SDC4: variants seen among roughly 807,000 people sequenced by gnomAD.
SDC4 encodes syndecan 4.
A neutral mutation model predicts 20.5 loss-of-function variants in SDC4; 17 were observed. That is an observed-to-expected ratio of 0.83 (90% CI 0.57 to 1.25). The LOEUF is 1.25. Among genes scored for constraint, SDC4 ranks in the 50% most tolerant of loss-of-function variants. SDC4 has a pLI of 0.00. For missense variants in SDC4, 241 were observed against 252.3 expected (o/e 0.96, Z 0.30); for synonymous variants, 107 against 105.3 (o/e 1.02, Z -0.10).
intron 2 of SDC4, among the ~76,000 whole-genome samples, chr20:45,333,753 C>T (rs1370874698): frequency 6.6e-6 from 1 of 152,180 alleles, no homozygotes; most frequent in Non-Finnish European, 1.5e-5. Flanking sequence ...ATATCATTAA[C>T]ATCTTTCCAT....
chr20:45,327,318 G>A lies in SDC4; in HGVS notation c.543C>T (p.Asp181=). The A allele has an allele frequency of 6.2e-7, 1 of 1,614,174 alleles. No homozygotes were observed. The highest frequency in any genetic ancestry group is 8.5e-7 in the Non-Finnish European group (1 of 1,180,040). The part of the protein sequence containing the change: ...RMKKKDEGSY[D]LGKKPIYKKA... ...TCTTGTAGATGGGTTTCTTGCCCAG[G>A]TCATAGCTGCCTTCATCCTTCTTCT... Residue 181 remains aspartate, a synonymous_variant, in exon 5 of 5, where the codon GAC becomes GAT. Coordinates refer to ENST00000372733, the MANE Select transcript of SDC4 (RefSeq NM_002999.4).
chr20:45,334,782 C>T (rs1274960583), intron 2 of SDC4, among the ~76,000 whole-genome samples: 3 of 152,122 alleles, frequency 2.0e-5, no homozygotes, highest in East Asian at 1.9e-4. Flanking sequence ...CCACCGTGCC[C>T]GGCCATAAAA....
At chr20:45,334,243 T>C (rs1369177324) in intron 2 of SDC4, among the ~76,000 whole-genome samples, 1 of 152,078 alleles carries the variant, frequency 6.6e-6, no homozygotes, top group East Asian at 1.9e-4. Context: ...GTGATCCGCC[T>C]GCCTTGGCCT....
chr20:45,340,851 G>A (rs1365527868), intron 1 of SDC4, among the ~76,000 whole-genome samples: 2 of 152,160 alleles, frequency 1.3e-5, no homozygotes, highest in Non-Finnish European at 2.9e-5. Flanking sequence ...CCCCAGCAGC[G>A]TACACTACTC....
chr20:45,329,007 T>C (rs1028708740), intron 4 of SDC4, among the ~76,000 whole-genome samples: 7 of 152,288 alleles, frequency 4.6e-5, no homozygotes, highest in Admixed American at 4.6e-4. Context: ...TGGTCCTCAG[T>C]CCAAATGCCA....
chr20:45,339,832 AG>A (rs1332471839), intron 1 of SDC4, among the ~76,000 whole-genome samples: 1 of 152,230 alleles, frequency 6.6e-6, no homozygotes, highest in Non-Finnish European at 1.5e-5. Context: ...CTGGGGGTTT[AG>A]AGATACTACA....
rs1012568919 is a variant in SDC4, at chr20:45,326,028, C to T, written c.*1236G>A. On this transcript the variant is annotated 3_prime_UTR_variant, in exon 5 of 5. Coordinates refer to ENST00000372733, the MANE Select transcript of SDC4 (RefSeq NM_002999.4). ...GGCAAGAGAAAAAGGCAAAAACCCACCCAGCCACATGAAAATTCACTCACT... is the reference window on the plus strand; with the variant it reads ...GGCAAGAGAAAAAGGCAAAAACCCATCCAGCCACATGAAAATTCACTCACT... 3 of 151,434 alleles carry T rather than the reference C, an allele frequency of 2.0e-5. No homozygotes were observed. Among genetic ancestry groups the T allele is most frequent in the African/African-American group, 7.3e-5 (3 of 41,116 alleles). 9.4% of individuals were successfully genotyped at this position (151,434 alleles called of 1,614,324 possible). A position where few individuals can be genotyped will look rare whatever the true frequency, so the allele number is the denominator to read the frequency against.
intron 1 of SDC4, among the ~76,000 whole-genome samples, chr20:45,339,826 G>A (rs992800016): frequency 1.3e-5 from 2 of 152,210 alleles, no homozygotes; most frequent in African/African-American, 4.8e-5. Context: ...TAGTGCCTGG[G>A]GGTTTAGAGA....
chr20:45,348,243 C>CT (rs1988063920), intron 1 of SDC4, 82 bp downstream of exon 1: 1 of 1,223,154 alleles, frequency 8.2e-7, no homozygotes, highest in African/African-American at 1.5e-5. Context: ...CTGCCCCCCC[C>CT]CATCCCACGC....
At chr20:45,332,427 C>T (rs1237940402) in intron 3 of SDC4, among the ~76,000 whole-genome samples, 1 of 152,080 alleles carries the variant, frequency 6.6e-6, no homozygotes, top group East Asian at 1.9e-4. Context: ...TCCCAAAGTG[C>T]TGGGATTACA....
At chr20:45,330,302 G>A in intron 4 of SDC4, 64 bp downstream of exon 4, 11 of 1,463,910 alleles carry the variant, frequency 7.5e-6, no homozygotes, top group Non-Finnish European at 1.0e-5. Flanking sequence ...CTGCCTGCAG[G>A]TGCTCTCCCC....
At chr20:45,331,414 G>A (rs1987775439) in intron 3 of SDC4, among the ~76,000 whole-genome samples, 1 of 152,120 alleles carries the variant, frequency 6.6e-6, no homozygotes, top group African/African-American at 2.4e-5. Context: ...CTTACAAAAG[G>A]GAGGGGGAAA....
At chr20:45,328,178 G>T (rs1203607034) in intron 4 of SDC4, among the ~76,000 whole-genome samples, 2 of 152,120 alleles carry the variant, frequency 1.3e-5, no homozygotes, top group Non-Finnish European at 2.9e-5. Flanking sequence ...TACATTCAAA[G>T]TGCACACATG....
chr20:45,330,709 T>C (rs2145708297), intron 3 of SDC4, 145 bp from the exon 4 acceptor site: 1 of 690,300 alleles, frequency 1.4e-6, no homozygotes, highest in Non-Finnish European at 2.4e-6. Flanking sequence ...TTGGCAACAC[T>C]GTCTCCACAA....
chr20:45,329,615 G>A (rs1240772766), intron 4 of SDC4, among the ~76,000 whole-genome samples: 2 of 152,156 alleles, frequency 1.3e-5, no homozygotes, highest in African/African-American at 2.4e-5. Context: ...CCTCCTTGGA[G>A]CTGCTGGCTC....
rs547618110 is a variant in SDC4, at chr20:45,343,868, G to A, written c.60+4457C>T. On this transcript the variant is annotated intron_variant, in intron 1 of 4. Coordinates refer to ENST00000372733, the MANE Select transcript of SDC4 (RefSeq NM_002999.4). ...AGCCCTGTCGTCTCCTTTAAGCTTC[G>A]CCACACCGGTATCATGATCTTCTTA... Among the ~76,000 whole-genome samples, 47 of 152,148 alleles carry A rather than the reference G, an allele frequency of 3.1e-4. 1 individual carries two copies. The highest frequency in any genetic ancestry group is 5.4e-4 in the Non-Finnish European group (37 of 68,036).
Position 45,327,327 on chromosome 20 carries a change from G to A in SDC4, c.534C>T (p.Gly178=). ...LMYRMKKKDE[G]SYDLGKKPIY... ...TGGGTTTCTTGCCCAGGTCATAGCT[G>A]CCTTCATCCTTCTTCTTCATACGGT... Residue 178 remains glycine (G), a synonymous_variant, in exon 5 of 5, where the codon GGC becomes GGT. Coordinates refer to ENST00000372733, the MANE Select transcript of SDC4 (RefSeq NM_002999.4). The A allele has an allele frequency of 6.2e-7, 1 of 1,614,186 alleles. No homozygotes were observed. Among genetic ancestry groups the A allele is most frequent in the Non-Finnish European group, 8.5e-7 (1 of 1,180,038 alleles).
rs6017543 is a variant in SDC4 at position 45,331,926 on chromosome 20, T to C, written c.246+1097A>G. Among the ~76,000 whole-genome samples, 970 of 152,338 alleles carry C rather than the reference T, an allele frequency of 6.4e-3. 9 individuals are homozygous for C. The highest frequency in any genetic ancestry group is 0.022 in the African/African-American group (924 of 41,578). On this transcript the variant is annotated intron_variant, in intron 3 of 4. Coordinates refer to ENST00000372733, the MANE Select transcript of SDC4 (RefSeq NM_002999.4). Reference sequence around the variant, plus strand: ...TCTACCTATGGAGTAGCCATTCTTTTATTCCTTTACTTTCTTAATAAACTT... The same window carrying C: ...TCTACCTATGGAGTAGCCATTCTTTCATTCCTTTACTTTCTTAATAAACTT...
rs984604374 is a variant in SDC4 at position 45,326,366 on chromosome 20, T to G, written c.*898A>C. 3 of 126,200 alleles carry G rather than the reference T, an allele frequency of 2.4e-5. No individual in the cohort carries two copies. The Admixed American group carries it at 2.6e-4, about 11-fold the overall frequency. 7.8% of individuals were successfully genotyped at this position (126,200 alleles called of 1,614,324 possible). Reference sequence around the variant, plus strand: ...AAAGAAGAGGGGAAGGGAGGCCCTATCTAAAGCTATAAATAGTAAAAAAAA... The same window carrying G: ...AAAGAAGAGGGGAAGGGAGGCCCTAGCTAAAGCTATAAATAGTAAAAAAAA... On this transcript the variant is annotated 3_prime_UTR_variant, in exon 5 of 5. Transcript: ENST00000372733.
Sources: allele counts gnomAD v4.1 joint callset (sites outside exome capture counted in the v4.1 genomes callset), GRCh38; gene constraint gnomAD v4.1.1; transcripts MANE v1.5; gene names NCBI Gene and HGNC (gene_info 2026-07-23, HGNC 2026-07-21).